Variants in SLC9B2 observed in about 807,000 individuals in gnomAD.
SLC9B2 encodes the protein solute carrier family 9 member B2.
SLC9B2 carries 39 observed loss-of-function variants against 52.2 expected under a neutral mutation model. The observed-to-expected ratio is 0.75, with a 90% confidence interval of 0.58 to 0.98. SLC9B2 has a LOEUF of 0.98. Ranked by LOEUF, SLC9B2 falls within the 50% of genes least tolerant of loss-of-function variation. SLC9B2 has a pLI of 0.00. For missense variants in SLC9B2, 626 were observed against 637.5 expected (o/e 0.98, Z 0.19); for synonymous variants, 214 against 227.0 (o/e 0.94, Z 0.51).
intron 9 of SLC9B2, among the ~76,000 whole-genome samples, chr4:103,040,463 C>T (rs997116390): frequency 2.6e-5 from 4 of 152,252 alleles, no homozygotes; most frequent in South Asian, 2.1e-4. Flanking sequence ...AAAGTTACAA[C>T]GTATCTTCTT....
At chr4:103,019,642 G>C, downstream of SLC9B2, 1 of 985,496 alleles carries the variant, frequency 1.0e-6, no homozygotes, top group Non-Finnish European at 1.2e-6. Context: ...GAGCGGCCCA[G>C]GAGCCCAGTG....
chr4:103,043,664 C>G (rs1315153033), intron 8 of SLC9B2, among the ~76,000 whole-genome samples: 1 of 152,204 alleles, frequency 6.6e-6, no homozygotes, highest in Admixed American at 6.6e-5. Flanking sequence ...CACCAATTCT[C>G]TCCTCTACAG....
Position 103,024,354 on chromosome 4 carries a change from A to G in SLC9B2, c.*2016T>C, listed in dbSNP as rs1326676265. Among the ~76,000 whole-genome samples, 1 of 152,232 alleles carries G rather than the reference A, an allele frequency of 6.6e-6. No individual in the cohort carries two copies. Among genetic ancestry groups the G allele is most frequent in the East Asian group, 1.9e-4 (1 of 5,206 alleles). ...CCTAACCAATGAAGTTCAGTTCAAA[A>G]CACTTATCTGACCTTTGGTATAAAT... On this transcript the variant is annotated 3_prime_UTR_variant, in exon 12 of 12. Transcript: ENST00000394785.
chr4:103,034,889 T>C (rs1743026411), intron 9 of SLC9B2, among the ~76,000 whole-genome samples: 1 of 152,132 alleles, frequency 6.6e-6, no homozygotes, highest in Non-Finnish European at 1.5e-5. Flanking sequence ...TGATACTTTT[T>C]AATTTTTTGA....
At chr4:103,045,037 C>T in intron 7 of SLC9B2, 41 bp from the exon 8 acceptor site, 1 of 1,298,874 alleles carries the variant, frequency 7.7e-7, no homozygotes, top group Non-Finnish European at 1.1e-6. Context: ...CTAAATCCAA[C>T]AAATACACAG....
At position 103,023,663 on chromosome 4, in the gene SLC9B2, C is replaced by T. The variant is rs1741966642; in HGVS notation, c.*2707G>A. On this transcript the variant is annotated 3_prime_UTR_variant, in exon 12 of 12. Coordinates refer to ENST00000394785, the MANE Select transcript of SLC9B2 (RefSeq NM_178833.7). ...AGATCCAATAGAGGAAGTCAAAAAG[C>T]CAGCACTGGGCAGTCACAGAGATTT... Among the ~76,000 whole-genome samples the T allele has an allele frequency of 1.3e-5, 2 of 152,172 alleles. No individual in the cohort carries two copies. The highest frequency in any genetic ancestry group is 1.3e-4 in the Admixed American group (2 of 15,278).
Position 103,026,099 on chromosome 4 carries a change from C to A in SLC9B2, c.*271G>T. 4.0e-6 allele frequency: 1 copy of A among 247,564 alleles called. No homozygotes were observed. The highest frequency in any genetic ancestry group is 7.7e-6 in the Non-Finnish European group (1 of 129,888). 15.3% of individuals were successfully genotyped at this position (247,564 alleles called of 1,614,324 possible). On this transcript the variant is annotated 3_prime_UTR_variant, in exon 12 of 12. Transcript: ENST00000394785. ...TGGTCTTTCCCACATTAACTGTAAA[C>A]TGTGGTAGTACATTAAAGTAGATAT...
Position 103,076,434 on chromosome 4 carries a change from C to T in SLC9B2, c.-293G>A, listed in dbSNP as rs1382802284. 6.6e-6 allele frequency: 1 copy of T among 152,272 alleles called. No homozygotes were observed. The highest frequency in any genetic ancestry group is 2.1e-4 in the South Asian group (1 of 4,834). 9.4% of individuals were successfully genotyped at this position (152,272 alleles called of 1,614,324 possible). A position where few individuals can be genotyped will look rare whatever the true frequency, so the allele number is the denominator to read the frequency against. On this transcript the variant is annotated 5_prime_UTR_variant, in exon 1 of 12. Coordinates refer to ENST00000394785, the MANE Select transcript of SLC9B2 (RefSeq NM_178833.7). Reference sequence around the variant, plus strand: ...CGCAGGGAGGTCCGACCCGTCGGCGCCGGTACAGGCTCCGGAGTAAGCATG... The same window carrying T: ...CGCAGGGAGGTCCGACCCGTCGGCGTCGGTACAGGCTCCGGAGTAAGCATG...
At chr4:103,064,866 T>C (rs1745972964) in intron 3 of SLC9B2, among the ~76,000 whole-genome samples, 1 of 152,206 alleles carries the variant, frequency 6.6e-6, no homozygotes, top group Non-Finnish European at 1.5e-5. Flanking sequence ...CTTTATCTTT[T>C]GAAAATATGA....
At chr4:103,073,574 G>A (rs1746857646) in intron 1 of SLC9B2, among the ~76,000 whole-genome samples, 1 of 152,172 alleles carries the variant, frequency 6.6e-6, no homozygotes, top group South Asian at 2.1e-4. Context: ...AAAGACTTAG[G>A]TGTGTCAAAT....
chr4:103,066,557 C>G (rs775114185), intron 2 of SLC9B2, 50 bp from the exon 3 acceptor site: 3 of 1,531,824 alleles, frequency 2.0e-6, no homozygotes. Context: ...ATATTTTACA[C>G]ATATTTATAG....
At chr4:103,034,033 A>C (rs1742932289) in intron 9 of SLC9B2, among the ~76,000 whole-genome samples, 1 of 152,204 alleles carries the variant, frequency 6.6e-6, no homozygotes, top group Non-Finnish European at 1.5e-5. Flanking sequence ...ATCCAGGGAT[A>C]TCACACTACC....
At chr4:103,033,461 C>T (rs1344789609) in intron 9 of SLC9B2, among the ~76,000 whole-genome samples, 1 of 151,904 alleles carries the variant, frequency 6.6e-6, no homozygotes, top group Non-Finnish European at 1.5e-5. Context: ...GAAAAGGCAT[C>T]CAATTAGGAA....
At position 103,058,649 on chromosome 4, in the gene SLC9B2, G is replaced by A. The variant is rs116395831; in HGVS notation, c.272-678C>T. ...AGTCTTGAGCTCAAGTGATCCTCCTGTCTCAGCCTTCCAAAGTGCTGGGAT... is the reference window on the plus strand; with the variant it reads ...AGTCTTGAGCTCAAGTGATCCTCCTATCTCAGCCTTCCAAAGTGCTGGGAT... On this transcript the variant is annotated intron_variant, in intron 3 of 11. Transcript: ENST00000394785. Among the ~76,000 whole-genome samples, 1,090 of 152,246 alleles carry A rather than the reference G, an allele frequency of 7.2e-3. 19 individuals are homozygous for A. The highest frequency in any genetic ancestry group is 0.025 in the African/African-American group (1,031 of 41,540).
At chr4:103,048,230 T>C (rs1452787347) in intron 6 of SLC9B2, among the ~76,000 whole-genome samples, 2 of 152,222 alleles carry the variant, frequency 1.3e-5, no homozygotes, top group East Asian at 1.9e-4. Context: ...TTCACTAATT[T>C]AATCCTCACA....
intron 4 of SLC9B2, among the ~76,000 whole-genome samples, chr4:103,051,878 T>C (rs962784102): frequency 6.6e-6 from 1 of 152,200 alleles, no homozygotes; most frequent in Non-Finnish European, 1.5e-5. Context: ...GAAGCACATA[T>C]ATATTTGCTT....
chr4:103,072,335 G>C (rs1306830410), intron 1 of SLC9B2, among the ~76,000 whole-genome samples: 9 of 152,132 alleles, frequency 5.9e-5, no homozygotes, highest in Admixed American at 5.9e-4. Flanking sequence ...GGGATTACAG[G>C]CGTGAGCCAC....
chr4:103,048,838 G>A (rs1744402164), intron 6 of SLC9B2, 55 bp downstream of exon 6: 3 of 1,591,480 alleles, frequency 1.9e-6, no homozygotes, highest in Non-Finnish European at 2.6e-6. Context: ...TATGCAATCA[G>A]GGAAAGCCCT....
chr4:103,054,276 AAAAAC>A (rs756238820), intron 4 of SLC9B2, among the ~76,000 whole-genome samples: 4 of 152,166 alleles, frequency 2.6e-5, no homozygotes, highest in African/African-American at 9.7e-5. Context: ...ACCCTGTCTC[AAAAAC>A]AAAACAAAAC....
Sources: gnomAD v4.1 joint callset for allele counts (sites outside exome capture counted in the v4.1 genomes callset) on GRCh38, gnomAD v4.1.1 for gene constraint, MANE v1.5 for transcripts, NCBI Gene and HGNC (gene_info 2026-07-23, HGNC 2026-07-21) for gene names.